The following RHOU variants were observed in gnomAD, a reference collection of about 807,000 sequenced individuals.
RHOU encodes the protein ras homolog family member U.
Under a neutral mutation model 12.6 loss-of-function variants are expected in RHOU, and 8 were observed. That is an observed-to-expected ratio of 0.64 (90% CI 0.37 to 1.15). RHOU has a LOEUF of 1.15. Ranked by LOEUF, RHOU falls within the 50% of genes most tolerant of loss-of-function variation. RHOU has a pLI of 0.01. For missense variants in RHOU, 258 were observed against 347.0 expected, an observed-to-expected ratio of 0.74 and a Z score of 2.04; for synonymous variants, 161 against 147.4, an observed-to-expected ratio of 1.09 and a Z score of -0.67.
At chr1:228,665,184 A>G in the RHOU span, among the ~76,000 whole-genome samples, 5 of 152,360 alleles carry the variant, frequency 3.3e-5, no homozygotes, top group East Asian at 1.9e-4. Flanking sequence ...AAATGATTAT[A>G]AAGTGCCTGC....
the RHOU span, among the ~76,000 whole-genome samples, chr1:228,647,571 C>T: frequency 3.9e-5 from 6 of 152,212 alleles, no homozygotes; most frequent in African/African-American, 1.4e-4. Flanking sequence ...CCCCTGCCCG[C>T]CCCTTCCCCC....
chr1:228,667,752 T>C, the RHOU span, among the ~76,000 whole-genome samples: 1 of 152,214 alleles, frequency 6.6e-6, no homozygotes, highest in Non-Finnish European at 1.5e-5. Flanking sequence ...TTATGAAAAG[T>C]TACTGGAGTA....
chr1:228,735,633 G>A lies in RHOU; in HGVS notation c.-110G>A. 2 of 898,636 alleles carry A rather than the reference G, an allele frequency of 2.2e-6. No individual in the cohort carries two copies. Among genetic ancestry groups the A allele is most frequent in the Non-Finnish European group, 2.8e-6 (2 of 708,392 alleles). 55.7% of individuals were successfully genotyped at this position (898,636 alleles called of 1,614,324 possible). On this transcript the variant is annotated 5_prime_UTR_variant, in exon 1 of 3. Transcript: ENST00000366691. The surrounding 1 kb of genome is among the most constrained non-coding windows in gnomAD (Gnocchi z 8.1). ...ACCGCCACTCTCCAGGGCCGGGGACGCGCCCGCAGCTGTCGGTGACAGCTC... is the reference window on the plus strand; with the variant it reads ...ACCGCCACTCTCCAGGGCCGGGGACACGCCCGCAGCTGTCGGTGACAGCTC...
the RHOU span, among the ~76,000 whole-genome samples, chr1:228,695,950 G>A: frequency 6.6e-6 from 1 of 152,166 alleles, no homozygotes; most frequent in Admixed American, 6.5e-5. Flanking sequence ...AAGCTGCCTA[G>A]GGGCTGCCAG....
chr1:228,653,277 T>C, the RHOU span, among the ~76,000 whole-genome samples: 1 of 152,158 alleles, frequency 6.6e-6, no homozygotes, highest in Admixed American at 6.5e-5. Context: ...TGCCTCAGCC[T>C]TATGAATAGC....
chr1:228,663,916 A>G, the RHOU span, among the ~76,000 whole-genome samples: 1 of 148,408 alleles, frequency 6.7e-6, no homozygotes, highest in Non-Finnish European at 1.5e-5. Flanking sequence ...TACAGGCGCG[A>G]GCCGCCACGC....
At chr1:228,694,614 C>G in the RHOU span, among the ~76,000 whole-genome samples, 1 of 152,164 alleles carries the variant, frequency 6.6e-6, no homozygotes, top group African/African-American at 2.4e-5. Flanking sequence ...AGTATAATGG[C>G]TTCCAACTCC....
the RHOU span, among the ~76,000 whole-genome samples, chr1:228,697,075 T>C: frequency 2.0e-5 from 3 of 152,176 alleles, no homozygotes; most frequent in Non-Finnish European, 4.4e-5. Context: ...CAGGATCACA[T>C]TGCCAGGCCA....
chr1:228,659,165 G>A, the RHOU span, among the ~76,000 whole-genome samples: 1 of 152,042 alleles, frequency 6.6e-6, no homozygotes, highest in South Asian at 2.1e-4. Flanking sequence ...GATCACCTGA[G>A]GTCAGGAGTT....
rs960302142 is a variant in RHOU, at chr1:228,745,528, T to G, written c.*1788T>G. The G allele has an allele frequency of 6.6e-6, 1 of 152,254 alleles. No homozygotes were observed. The highest frequency in any genetic ancestry group is 1.5e-5 in the Non-Finnish European group (1 of 68,044). 9.4% of individuals were successfully genotyped at this position (152,254 alleles called of 1,614,324 possible). On this transcript the variant is annotated 3_prime_UTR_variant, in exon 3 of 3. Coordinates refer to ENST00000366691, the MANE Select transcript of RHOU (RefSeq NM_021205.6). Reference sequence around the variant, plus strand: ...CTGTTAGTAAATAAAATTAACAAATTTCTTTGTTTAACAAAAGATTAATCT... The same window carrying G: ...CTGTTAGTAAATAAAATTAACAAATGTCTTTGTTTAACAAAAGATTAATCT...
the RHOU span, among the ~76,000 whole-genome samples, chr1:228,669,162 A>AACTT: frequency 6.6e-6 from 1 of 152,200 alleles, no homozygotes; most frequent in African/African-American, 2.4e-5. Flanking sequence ...ACTGGACTTG[A>AACTT]ACTTCTACAA....
the RHOU span, among the ~76,000 whole-genome samples, chr1:228,694,953 T>C: frequency 6.6e-6 from 1 of 152,158 alleles, no homozygotes; most frequent in Non-Finnish European, 1.5e-5. Context: ...GGAATATAAA[T>C]GATAATGAAT....
chr1:228,711,666 G>T, the RHOU span, among the ~76,000 whole-genome samples: 1 of 152,074 alleles, frequency 6.6e-6, no homozygotes, highest in African/African-American at 2.4e-5. Flanking sequence ...ATTCAAGATG[G>T]GTTAAAGACT....
the RHOU span, among the ~76,000 whole-genome samples, chr1:228,648,858 C>T: frequency 2.0e-4 from 30 of 150,518 alleles, no homozygotes; most frequent in African/African-American, 4.6e-4. Context: ...CTTCCTCTCT[C>T]TCTTTCTTTC....
At chr1:228,703,856 G>A in the RHOU span, among the ~76,000 whole-genome samples, 5 of 152,084 alleles carry the variant, frequency 3.3e-5, no homozygotes, top group Non-Finnish European at 7.4e-5. Flanking sequence ...CTGAGCCAAG[G>A]GAAAAGTCAA....
At chr1:228,736,511 GA>G (rs1413763407) in intron 1 of RHOU, among the ~76,000 whole-genome samples, 2 of 152,130 alleles carry the variant, frequency 1.3e-5, no homozygotes, top group Admixed American at 1.3e-4. Context: ...GAGACGCCGG[GA>G]AAACACTTGA....
the RHOU span, among the ~76,000 whole-genome samples, chr1:228,704,948 A>C: frequency 6.6e-4 from 101 of 152,124 alleles, no homozygotes; most frequent in East Asian, 0.015. Context: ...CTGCAGGCAC[A>C]AGCCACCATG....
the RHOU span, among the ~76,000 whole-genome samples, chr1:228,676,363 T>C: frequency 1.3e-5 from 2 of 152,140 alleles, no homozygotes; most frequent in African/African-American, 2.4e-5. Flanking sequence ...TTTGTTTGTT[T>C]GTTTTTGCCC....
the RHOU span, among the ~76,000 whole-genome samples, chr1:228,723,088 C>A: frequency 6.6e-6 from 1 of 152,214 alleles, no homozygotes; most frequent in Non-Finnish European, 1.5e-5. Context: ...CTCTTTCTAT[C>A]TGGCAGCCTG....
Sources: gnomAD v4.1 joint callset for allele counts (sites outside exome capture counted in the v4.1 genomes callset) on GRCh38, gnomAD v4.1.1 for gene constraint, Gnocchi (gnomAD v3.1) non-coding constraint, MANE v1.5 for transcripts, NCBI Gene and HGNC (gene_info 2026-07-23, HGNC 2026-07-21) for gene names.